Variants in NFASC observed in about 807,000 individuals in gnomAD.
NFASC encodes the protein neurofascin homolog.
A neutral mutation model predicts 147.5 loss-of-function variants in NFASC; 43 were observed. The observed-to-expected ratio is 0.29, with a 90% CI of 0.23 to 0.38. The LOEUF (loss-of-function observed/expected upper bound fraction) is 0.38. Among genes scored for constraint, NFASC ranks in the 10% least tolerant of loss-of-function variants. The probability of loss-of-function intolerance (pLI) is 1.00; values close to 1 mark genes in which losing one functional copy is unlikely to be tolerated. For missense variants in NFASC, 1,320 were observed against 1,689.0 expected, an observed-to-expected ratio of 0.78 and a Z score of 3.83; for synonymous variants, 622 against 665.5, an observed-to-expected ratio of 0.93 and a Z score of 1.01.
intron 3 of NFASC, 66 bp downstream of exon 3, chr1:204,944,472 G>GGGGGGGGGGGGGGA: frequency 2.5e-6 from 1 of 402,578 alleles, no homozygotes; most frequent in East Asian, 6.4e-5. Context: ...GGAGGGGAGG[G>GGGGGGGGGGGGGGA]AAGGTCAGAG....
intron 1 of NFASC, among the ~76,000 whole-genome samples, chr1:204,897,770 C>G (rs1256111681): frequency 6.6e-6 from 1 of 151,746 alleles, no homozygotes; most frequent in Non-Finnish European, 1.5e-5. Flanking sequence ...GAGTCTTGCT[C>G]TGTCACCCAG....
At chr1:204,919,152 G>A (rs2089941987) in intron 1 of NFASC, among the ~76,000 whole-genome samples, 1 of 151,906 alleles carries the variant, frequency 6.6e-6, no homozygotes, top group Admixed American at 6.6e-5. Flanking sequence ...AGCCTCCCAA[G>A]TAGCTGGGAT....
At chr1:204,937,090 C>A (rs1021791625) in intron 2 of NFASC, among the ~76,000 whole-genome samples, 5 of 152,110 alleles carry the variant, frequency 3.3e-5, no homozygotes, top group African/African-American at 1.2e-4. Context: ...CACAGAGAGG[C>A]CTTCCTTGAC....
At chr1:204,988,888 C>A in intron 23 of NFASC, 82 bp downstream of exon 23, 2 of 1,373,096 alleles carry the variant, frequency 1.5e-6, no homozygotes, top group Non-Finnish European at 2.1e-6. Context: ...CTGTAGCTGG[C>A]TGCCTGGGAT....
intron 29 of NFASC, among the ~76,000 whole-genome samples, chr1:205,013,400 G>A (rs1024424575): frequency 6.6e-6 from 1 of 152,152 alleles, no homozygotes; most frequent in African/African-American, 2.4e-5. Context: ...GCTCTAGACT[G>A]GAATGGGCCT....
intron 8 of NFASC, among the ~76,000 whole-genome samples, chr1:204,967,544 A>G (rs900436273): frequency 6.6e-6 from 1 of 151,790 alleles, no homozygotes; most frequent in African/African-American, 2.4e-5. Flanking sequence ...ACCTCCTCCA[A>G]CTTGGCGGCC....
At chr1:204,839,970 G>T (rs1323554648) in intron 1 of NFASC, among the ~76,000 whole-genome samples, 1 of 152,152 alleles carries the variant, frequency 6.6e-6, no homozygotes, top group Admixed American at 6.5e-5. Flanking sequence ...TGCCTGGTGG[G>T]GAGTGAGTGG....
chr1:204,841,007 T>G (rs1271196238), intron 1 of NFASC, among the ~76,000 whole-genome samples: 1 of 152,244 alleles, frequency 6.6e-6, no homozygotes, highest in Non-Finnish European at 1.5e-5. Flanking sequence ...AATGATTGTA[T>G]AAGAATTCAT....
At chr1:204,948,049 G>A (rs1228619837) in intron 3 of NFASC, among the ~76,000 whole-genome samples, 5 of 152,142 alleles carry the variant, frequency 3.3e-5, no homozygotes, top group Non-Finnish European at 5.9e-5. Flanking sequence ...TCAATCACAC[G>A]CACTCACGTG....
chr1:204,857,572 G>A (rs2076266911), intron 1 of NFASC, among the ~76,000 whole-genome samples: 1 of 152,184 alleles, frequency 6.6e-6, no homozygotes, highest in Non-Finnish European at 1.5e-5. Flanking sequence ...GAATCCCATT[G>A]TGTGACCACG....
intron 2 of NFASC, 94 bp from the exon 3 acceptor site, chr1:204,944,132 A>AG: frequency 9.3e-7 from 1 of 1,078,090 alleles, no homozygotes; most frequent in South Asian, 1.4e-5. Flanking sequence ...TCTGTGACCA[A>AG]GGGGGCTCTT....
At chr1:204,966,197 C>G (rs1281871124) in intron 8 of NFASC, among the ~76,000 whole-genome samples, 5 of 152,150 alleles carry the variant, frequency 3.3e-5, no homozygotes, top group African/African-American at 1.2e-4. Flanking sequence ...TTTATAGTCA[C>G]AGCTACAGTG....
At chr1:204,949,672 GCACTTGTCAGAAAGGCAGAGTC>G in intron 3 of NFASC, among the ~76,000 whole-genome samples, 1 of 152,200 alleles carries the variant, frequency 6.6e-6, no homozygotes, top group East Asian at 1.9e-4. Context: ...CATTGCCCCA[GCACTTGTCAGAAAGGCAGAGTC>G]CCAGGCCCCA....
chr1:204,870,638 C>G (rs1167432000), intron 1 of NFASC: 1 of 1,027,370 alleles, frequency 9.7e-7, no homozygotes, highest in African/African-American at 1.7e-5. Context: ...GGCCACACAA[C>G]TCTTCCATTA....
chr1:204,844,504 T>C (rs77489181), intron 1 of NFASC, among the ~76,000 whole-genome samples: 1,871 of 152,284 alleles, frequency 0.012, 32 homozygotes, highest in African/African-American at 0.042. Flanking sequence ...AAGAGGCAGT[T>C]TTTGCCTAAA....
chr1:204,996,721 C>T (rs2095852180), intron 24 of NFASC, among the ~76,000 whole-genome samples: 1 of 152,092 alleles, frequency 6.6e-6, no homozygotes, highest in Non-Finnish European at 1.5e-5. Flanking sequence ...CTCTAGGCCT[C>T]TGCTGGACAG....
rs147754573 is a variant in NFASC, at chr1:205,009,108, A to G, written c.3290-449A>G. On this transcript the variant is annotated intron_variant, in intron 27 of 29. Transcript: ENST00000339876. ...GGTGTTCTCATAGCAGGTTTTTGCA[A>G]CGTGGCCACGGCCTGCACTCCCTGA... is the stretch of plus-strand genomic sequence containing the variant. 132 of 254,992 alleles carry G rather than the reference A, an allele frequency of 5.2e-4. 2 individuals carry two copies. The East Asian group carries it at 0.011, about 21-fold the overall frequency. 15.8% of individuals were successfully genotyped at this position (254,992 alleles called of 1,614,324 possible).
chr1:204,830,574 T>C (rs1459806807), intron 1 of NFASC, among the ~76,000 whole-genome samples: 1 of 151,224 alleles, frequency 6.6e-6, no homozygotes, highest in Non-Finnish European at 1.5e-5. Context: ...ACTGAAGGGG[T>C]GTGTTGTGTG....
intron 3 of NFASC, among the ~76,000 whole-genome samples, chr1:204,945,514 G>A (rs1444926224): frequency 6.6e-6 from 1 of 151,814 alleles, no homozygotes; most frequent in Non-Finnish European, 1.5e-5. Context: ...ACCCATAATA[G>A]CTGCCCCTGC....
Sources: gnomAD v4.1 joint callset for allele counts (sites outside exome capture counted in the v4.1 genomes callset) on GRCh38, gnomAD v4.1.1 for gene constraint, MANE v1.5 for transcripts, NCBI Gene and HGNC (gene_info 2026-07-23, HGNC 2026-07-21) for gene names.